The following BCO2 variants were observed in gnomAD, a reference collection of about 807,000 sequenced individuals.
BCO2 encodes beta-carotene oxygenase 2, also known as carotenoid-cleaving dioxygenase, mitochondrial.
BCO2 carries 56 observed loss-of-function variants against 65.8 expected under a neutral mutation model. That is an observed-to-expected ratio of 0.85 (90% CI 0.69 to 1.06). BCO2 has a LOEUF of 1.06. BCO2 is among the 50% of genes least tolerant of loss of function. The pLI is 0.00. For synonymous variants in BCO2, 233 were observed against 242.3 expected (o/e 0.96, Z 0.36); for missense variants, 675 against 698.5 (o/e 0.97, Z 0.38).
intron 8 of BCO2, among the ~76,000 whole-genome samples, chr11:112,209,136 T>A (rs1403480082): frequency 2.0e-5 from 3 of 152,206 alleles, no homozygotes; most frequent in Non-Finnish European, 4.4e-5. Flanking sequence ...GATGGTTAGG[T>A]CTGTGTTGTA....
chr11:112,211,196 A>G (rs1437984360), intron 8 of BCO2, among the ~76,000 whole-genome samples: 1 of 152,118 alleles, frequency 6.6e-6, no homozygotes, highest in Non-Finnish European at 1.5e-5. Flanking sequence ...AAGTGGGGTC[A>G]TACAATACTT....
At chr11:112,181,220 C>T (rs1197011665) in intron 2 of BCO2, 24 of 705,112 alleles carry the variant, frequency 3.4e-5, no homozygotes, top group Non-Finnish European at 4.7e-5. Flanking sequence ...CTCGCTCTGT[C>T]GCCCAGGCTG....
chr11:112,196,728 A>G (rs1382513194), intron 5 of BCO2, among the ~76,000 whole-genome samples: 1 of 152,168 alleles, frequency 6.6e-6, no homozygotes, highest in East Asian at 1.9e-4. Flanking sequence ...TCTTCCTAGG[A>G]TGTCTAATAG....
Position 112,214,945 on chromosome 11 carries a change from G to A in BCO2, c.1515+1G>A, listed in dbSNP as rs766154406. 8 of 1,613,988 alleles carry A rather than the reference G, an allele frequency of 5.0e-6. No individual in the cohort carries two copies. Among genetic ancestry groups the A allele is most frequent in the Non-Finnish European group, 8.5e-7 (1 of 1,179,978 alleles). On this transcript the variant is annotated splice_donor_variant, in intron 10 of 11. Coordinates refer to ENST00000357685, the MANE Select transcript of BCO2 (RefSeq NM_031938.7). LOFTEE classifies it high-confidence loss of function. ...TGATGTGGTGAATAAGACACTGAAG[G>A]TGATGAAAAACTCTTTCCTTTTTGA...
At chr11:112,194,372 A>T (rs1049847837) in intron 4 of BCO2, 2 of 425,940 alleles carry the variant, frequency 4.7e-6, no homozygotes, top group Non-Finnish European at 8.3e-6. Context: ...CTAGATTTTT[A>T]ATTTTAATTC....
At chr11:112,193,421 A>T in intron 2 of BCO2, 53 bp from the exon 3 acceptor site, 1 of 1,499,516 alleles carries the variant, frequency 6.7e-7, no homozygotes, top group Non-Finnish European at 9.2e-7. Flanking sequence ...TCTGTCCCTC[A>T]TTTTTATCTC....
intron 5 of BCO2, among the ~76,000 whole-genome samples, chr11:112,198,128 T>A (rs1867631062): frequency 6.6e-6 from 1 of 152,224 alleles, no homozygotes; most frequent in Non-Finnish European, 1.5e-5. Flanking sequence ...GTATTTTTAC[T>A]TATTATATGA....
intron 2 of BCO2, among the ~76,000 whole-genome samples, chr11:112,182,529 G>A (rs1397284049): frequency 1.3e-5 from 2 of 152,104 alleles, no homozygotes; most frequent in South Asian, 4.1e-4. Context: ...CCATAAAAAA[G>A]GATGAGTTCA....
intron 8 of BCO2, 81 bp from the exon 9 acceptor site, chr11:112,213,643 G>A: frequency 1.5e-6 from 2 of 1,312,116 alleles, no homozygotes; most frequent in South Asian, 2.6e-5. Flanking sequence ...GAATGCCAAT[G>A]ATGTTGACTG....
intron 9 of BCO2, 116 bp downstream of exon 9, chr11:112,213,977 A>C (rs1317012262): frequency 1.2e-6 from 1 of 861,542 alleles, no homozygotes; most frequent in African/African-American, 1.7e-5. Flanking sequence ...TCATCCGAGC[A>C]GGTTAAGGTT....
chr11:112,205,431 T>C (rs1349604080), intron 8 of BCO2, among the ~76,000 whole-genome samples: 1 of 152,210 alleles, frequency 6.6e-6, no homozygotes, highest in African/African-American at 2.4e-5. Context: ...TATATGCCTA[T>C]TGGACTTTCA....
At chr11:112,210,825 A>G (rs747206363) in intron 8 of BCO2, among the ~76,000 whole-genome samples, 4 of 151,950 alleles carry the variant, frequency 2.6e-5, no homozygotes, top group Non-Finnish European at 5.9e-5. Flanking sequence ...GATTGTATCA[A>G]TGTAAATTTC....
intron 2 of BCO2, chr11:112,181,190 T>C (rs1377236333): frequency 2.5e-5 from 24 of 945,922 alleles, no homozygotes; most frequent in South Asian, 6.8e-5. Context: ...CTTTTTTTTT[T>C]TTTTTTTTTG....
At position 112,193,589 on chromosome 11, in the gene BCO2, A is replaced by G. The variant is rs368513967; in HGVS notation, c.409A>G (p.Lys137Glu). Residue 137 changes from lysine (K) to glutamate (E), a missense_variant, in exon 3 of 12, where the codon AAA becomes GAA. By Grantham distance (56) the Lys-to-Glu change is moderately conservative. Transcript: ENST00000357685. ...QSDTYKANSA[K>E]NRIVISEFGT... is the part of the protein sequence containing the mutation. ...TGATACATATAAGGCCAACAGTGCTAAAAACCGAATTGTGATCTCAGAATT... is the reference window on the plus strand; with the variant it reads ...TGATACATATAAGGCCAACAGTGCTGAAAACCGAATTGTGATCTCAGAATT... 20 of 1,614,086 alleles carry G rather than the reference A, an allele frequency of 1.2e-5. No homozygotes were observed. The highest frequency in any genetic ancestry group is 1.6e-5 in the Non-Finnish European group (19 of 1,180,028).
At chr11:112,211,352 A>ACACACACACACT (rs147391427) in intron 8 of BCO2, among the ~76,000 whole-genome samples, 1,763 of 148,972 alleles carry the variant, frequency 0.012, 63 homozygotes, top group African/African-American at 0.034. Flanking sequence ...ACACACACAC[A>ACACACACACACT]ATATTTGTTT....
chr11:112,190,856 C>CA (rs945768260), intron 2 of BCO2, among the ~76,000 whole-genome samples: 1,592 of 61,462 alleles, frequency 0.026, 40 homozygotes, highest in African/African-American at 0.072. Flanking sequence ...GACTCTGTCT[C>CA]AAAAAAAAAA....
At chr11:112,197,199 AGGACAATAACTGTG>A (rs1042947796) in intron 5 of BCO2, among the ~76,000 whole-genome samples, 46 of 152,128 alleles carry the variant, frequency 3.0e-4, no homozygotes, top group African/African-American at 1.1e-3. Flanking sequence ...CCAGTTGCTA[AGGACAATAACTGTG>A]GAATCATCCT....
chr11:112,182,799 A>G (rs1867090501), intron 2 of BCO2: 1 of 632,844 alleles, frequency 1.6e-6, no homozygotes, highest in South Asian at 1.9e-5. Context: ...ACATGTGTAC[A>G]TATGTAACAA....
chr11:112,207,192 T>G lies in BCO2; in HGVS notation c.1194+5002T>G, dbSNP rs569870370. Among the ~76,000 whole-genome samples the G allele has an allele frequency of 2.6e-5, 4 of 152,338 alleles. No individual in the cohort carries two copies. The South Asian group carries it at 8.3e-4, about 32-fold the overall frequency. ...CTCGCCTTACTGTACCAGCTAGGAC[T>G]TCGAGTTGAATAGAAGTGCAAGATA... On this transcript the variant is annotated intron_variant, in intron 8 of 11. Transcript: ENST00000357685.
Sources: gnomAD v4.1 joint callset for allele counts (sites outside exome capture counted in the v4.1 genomes callset) on GRCh38, gnomAD v4.1.1 for gene constraint, MANE v1.5 for transcripts, NCBI Gene and HGNC (gene_info 2026-07-23, HGNC 2026-07-21) for gene names.